Variants in IMMP2L observed in about 807,000 individuals in gnomAD.
IMMP2L encodes the protein inner mitochondrial membrane peptidase subunit 2, also known as mitochondrial inner membrane protease subunit 2.
A neutral mutation model predicts 19.3 loss-of-function variants in IMMP2L; 18 were observed. The observed-to-expected ratio is 0.93, with a 90% CI of 0.64 to 1.38. The LOEUF is 1.38. IMMP2L is among the 40% of genes most tolerant of loss of function. IMMP2L has a pLI of 0.00. For synonymous variants in IMMP2L, 76 were observed against 73.0 expected (o/e 1.04, Z -0.21); for missense variants, 233 against 218.2 (o/e 1.07, Z -0.43).
chr7:110,739,041 T>C (rs1377797405), intron 5 of IMMP2L, among the ~76,000 whole-genome samples: 2 of 152,002 alleles, frequency 1.3e-5, no homozygotes, highest in Non-Finnish European at 2.9e-5. Flanking sequence ...AAGCCAGCAC[T>C]ACAAGAACTG....
intron 5 of IMMP2L, 78 bp downstream of exon 5, chr7:110,886,515 T>C: frequency 3.7e-6 from 3 of 802,470 alleles, no homozygotes; most frequent in Non-Finnish European, 6.6e-6. Context: ...CTGAGTTACC[T>C]GAATAACCTA....
At chr7:110,932,057 C>A (rs1237748581) in intron 4 of IMMP2L, among the ~76,000 whole-genome samples, 1 of 152,084 alleles carries the variant, frequency 6.6e-6, no homozygotes, top group Non-Finnish European at 1.5e-5. Context: ...AGCCCCACAC[C>A]CCCTTCTATT....
At chr7:110,818,355 A>G (rs971583698) in intron 5 of IMMP2L, among the ~76,000 whole-genome samples, 5 of 152,210 alleles carry the variant, frequency 3.3e-5, no homozygotes, top group African/African-American at 1.2e-4. Flanking sequence ...CAACAGACAC[A>G]TGAAAAAATG....
intron 3 of IMMP2L, among the ~76,000 whole-genome samples, chr7:111,203,396 T>C (rs558696751): frequency 2.0e-5 from 3 of 152,124 alleles, no homozygotes; most frequent in East Asian, 3.9e-4. Context: ...GTATGTCAGA[T>C]GGCAACAAGC....
intron 5 of IMMP2L, among the ~76,000 whole-genome samples, chr7:110,744,164 C>T (rs992402328): frequency 6.6e-5 from 10 of 152,134 alleles, no homozygotes; most frequent in African/African-American, 1.7e-4. Context: ...TGGGTGGAGC[C>T]CACCCCAGCT....
intron 4 of IMMP2L, among the ~76,000 whole-genome samples, chr7:110,939,736 A>C (rs1462223125): frequency 6.6e-6 from 1 of 152,192 alleles, no homozygotes; most frequent in East Asian, 1.9e-4. Context: ...TCTTTAAACA[A>C]AATGTGGGTA....
chr7:110,861,969 C>T (rs1201791830), intron 5 of IMMP2L, among the ~76,000 whole-genome samples: 1 of 151,990 alleles, frequency 6.6e-6, no homozygotes, highest in Non-Finnish European at 1.5e-5. Context: ...TAAATTATGT[C>T]CACATGACCT....
chr7:111,517,960 A>G (rs1689377973), intron 2 of IMMP2L, among the ~76,000 whole-genome samples: 1 of 152,158 alleles, frequency 6.6e-6, no homozygotes, highest in Admixed American at 6.6e-5. Flanking sequence ...GAATGCAGCT[A>G]TACGGCTTTA....
chr7:111,118,127 T>C (rs214870), intron 3 of IMMP2L, among the ~76,000 whole-genome samples: 13,418 of 152,156 alleles, frequency 0.088, 1,349 homozygotes, highest in African/African-American at 0.25. Flanking sequence ...CACATTTTTA[T>C]TGTAAATCAA....
At chr7:111,421,293 G>A (rs1375117248) in intron 3 of IMMP2L, among the ~76,000 whole-genome samples, 2 of 132,254 alleles carry the variant, frequency 1.5e-5, no homozygotes, top group African/African-American at 6.0e-5. Flanking sequence ...TTTTTGAGAC[G>A]GAGTCTCGCT....
chr7:111,466,197 G>A, intron 3 of IMMP2L, among the ~76,000 whole-genome samples: 1 of 152,098 alleles, frequency 6.6e-6, no homozygotes, highest in Non-Finnish European at 1.5e-5. Flanking sequence ...AGCGGGGAGG[G>A]ATAGCATTAG....
At chr7:110,917,005 T>A (rs1193960735) in intron 4 of IMMP2L, among the ~76,000 whole-genome samples, 1 of 152,198 alleles carries the variant, frequency 6.6e-6, no homozygotes, top group African/African-American at 2.4e-5. Flanking sequence ...AGGGCCTCTA[T>A]AGGTGTAACT....
chr7:111,428,862 T>C (rs942101395), intron 3 of IMMP2L, among the ~76,000 whole-genome samples: 1 of 151,876 alleles, frequency 6.6e-6, no homozygotes, highest in African/African-American at 2.4e-5. Context: ...TCATTTTCCA[T>C]AAGTACTTAC....
chr7:110,815,070 T>A (rs1802373246), intron 5 of IMMP2L, among the ~76,000 whole-genome samples: 1 of 152,062 alleles, frequency 6.6e-6, no homozygotes, highest in South Asian at 2.1e-4. Flanking sequence ...TCTTCCAGTT[T>A]TTGCCCATTC....
At chr7:111,075,684 G>A (rs1175369545) in intron 3 of IMMP2L, among the ~76,000 whole-genome samples, 2 of 151,776 alleles carry the variant, frequency 1.3e-5, no homozygotes, top group Non-Finnish European at 2.9e-5. Flanking sequence ...TTAGATAATA[G>A]AGTGCCCGAG....
At chr7:111,079,490 T>C (rs1025589470) in intron 3 of IMMP2L, among the ~76,000 whole-genome samples, 5 of 152,208 alleles carry the variant, frequency 3.3e-5, no homozygotes, top group Non-Finnish European at 5.9e-5. Context: ...TCACTATATT[T>C]TAATCATTCT....
intron 3 of IMMP2L, chr7:111,100,000 T>G (rs1797801289): frequency 6.6e-6 from 1 of 151,700 alleles, no homozygotes; most frequent in South Asian, 2.1e-4. Context: ...TTCACTTTGA[T>G]TCCATGAGGG....
chr7:111,188,430 G>A (rs1186184887), intron 3 of IMMP2L, among the ~76,000 whole-genome samples: 1 of 152,030 alleles, frequency 6.6e-6, no homozygotes, highest in East Asian at 1.9e-4. Flanking sequence ...GGCAGAAAGG[G>A]GGCAACAGAC....
chr7:111,235,452 C>G (rs1009635741), intron 3 of IMMP2L, among the ~76,000 whole-genome samples: 1 of 149,746 alleles, frequency 6.7e-6, no homozygotes, highest in African/African-American at 2.5e-5. Flanking sequence ...GCCTGGGTAA[C>G]AAGAGCGAAA....
Sources: gnomAD v4.1 joint callset for allele counts (sites outside exome capture counted in the v4.1 genomes callset) on GRCh38, gnomAD v4.1.1 for gene constraint, MANE v1.5 for transcripts, NCBI Gene and HGNC (gene_info 2026-07-23, HGNC 2026-07-21) for gene names.